Variants in UGT1A10 observed in about 807,000 individuals in gnomAD.
The protein encoded by UGT1A10 is UDP-glucuronosyltransferase 1A10.
A neutral mutation model predicts 45.8 loss-of-function variants in UGT1A10; 49 were observed. The observed-to-expected ratio is 1.07, with a 90% CI of 0.85 to 1.36. The LOEUF (loss-of-function observed/expected upper bound fraction) is 1.36. Among genes scored for constraint, UGT1A10 ranks in the 40% most tolerant of loss-of-function variants. The pLI is 0.00. For synonymous variants in UGT1A10, 284 were observed against 249.7 expected, an observed-to-expected ratio of 1.14 and a Z score of -1.29; for missense variants, 745 against 668.6, an observed-to-expected ratio of 1.11 and a Z score of -1.26.
At chr2:233,695,394 G>A (rs1244656271) in intron 1 of UGT1A10, among the ~76,000 whole-genome samples, 1 of 151,138 alleles carries the variant, frequency 6.6e-6, no homozygotes, top group African/African-American at 2.4e-5. Context: ...AAAGTGCTGG[G>A]ATTACAGGCG....
At chr2:233,717,412 CT>C (rs1379862017) in intron 1 of UGT1A10, among the ~76,000 whole-genome samples, 17 of 152,222 alleles carry the variant, frequency 1.1e-4, no homozygotes, top group African/African-American at 3.9e-4. Context: ...ATATGCCTCC[CT>C]TGAGCTGGGT....
intron 1 of UGT1A10, among the ~76,000 whole-genome samples, chr2:233,715,986 A>G (rs966648830): frequency 1.3e-5 from 2 of 152,140 alleles, no homozygotes; most frequent in African/African-American, 2.4e-5. Context: ...GATTTAAAAC[A>G]CAACAAAACC....
intron 1 of UGT1A10, among the ~76,000 whole-genome samples, chr2:233,689,402 A>G (rs1410123312): frequency 1.3e-5 from 2 of 152,232 alleles, no homozygotes; most frequent in African/African-American, 2.4e-5. Context: ...TATACTTGAG[A>G]CCCAATCTCT....
chr2:233,759,557 C>T (rs1697172001), intron 1 of UGT1A10, among the ~76,000 whole-genome samples: 1 of 152,070 alleles, frequency 6.6e-6, no homozygotes, highest in South Asian at 2.1e-4. Context: ...AGTGAATTTC[C>T]CTTTCTGGTC....
At chr2:233,723,129 G>A (rs1366176917) in intron 1 of UGT1A10, among the ~76,000 whole-genome samples, 2 of 137,690 alleles carry the variant, frequency 1.5e-5, no homozygotes, top group Non-Finnish European at 3.1e-5. Context: ...TTTCTGTACA[G>A]TACCAATTCT....
chr2:233,672,703 T>G lies in UGT1A10; in HGVS notation c.855+35326T>G, dbSNP rs759716033. ...ATCAATTTGGTTGTTGCGAACGGACTTTGTTTTGGACTATCCCAAACCCGT... is the reference window on the plus strand; with the variant it reads ...ATCAATTTGGTTGTTGCGAACGGACGTTGTTTTGGACTATCCCAAACCCGT... On this transcript the variant is annotated intron_variant, in intron 1 of 4. Transcript: ENST00000344644. 6.2e-6 allele frequency: 10 copies of G among 1,613,976 alleles called. No individual in the cohort carries two copies. The highest frequency in any genetic ancestry group is 1.3e-5 in the African/African-American group (1 of 75,036).
chr2:233,760,221 A>C, intron 1 of UGT1A10: 4 of 1,592,732 alleles, frequency 2.5e-6, no homozygotes, highest in Non-Finnish European at 3.4e-6. Flanking sequence ...TGGTGTATCG[A>C]TTGGTTTTTG....
In UGT1A10 at chr2:233,767,094, T is replaced by A; in HGVS notation, c.916T>A (p.Ser306Thr). 3 of 1,614,120 alleles carry A rather than the reference T, an allele frequency of 1.9e-6. No homozygotes were observed. The highest frequency in any genetic ancestry group is 2.5e-6 in the Non-Finnish European group (3 of 1,180,014). ...EHGIVVFSLG[S>T]MVSEIPEKKA... ...TGGAATTGTGGTTTTCTCTTTGGGA[T>A]CAATGGTCTCAGAAATTCCAGAGAA... Residue 306 changes from serine (S) to threonine (T), a missense_variant, in exon 2 of 5, where the codon TCA (serine) becomes ACA (threonine). Transcript: ENST00000344644.
chr2:233,667,342 A>G (rs1231761828), intron 1 of UGT1A10, among the ~76,000 whole-genome samples: 1 of 152,216 alleles, frequency 6.6e-6, no homozygotes, highest in Non-Finnish European at 1.5e-5. Context: ...TAGAAAGCTG[A>G]AACTGGATCC....
intron 1 of UGT1A10, among the ~76,000 whole-genome samples, chr2:233,710,692 G>C (rs976331221): frequency 2.6e-5 from 4 of 152,100 alleles, no homozygotes; most frequent in African/African-American, 9.7e-5. Context: ...TTTACTTCTG[G>C]TGTGTGGTGT....
intron 1 of UGT1A10, among the ~76,000 whole-genome samples, chr2:233,702,709 T>C (rs1270831508): frequency 2.0e-5 from 3 of 152,216 alleles, no homozygotes; most frequent in Non-Finnish European, 4.4e-5. Context: ...TTTTTCTGTG[T>C]CTATTGAAAT....
intron 1 of UGT1A10, chr2:233,693,000 C>G (rs879529755): frequency 4.3e-6 from 7 of 1,613,882 alleles, no homozygotes; most frequent in Non-Finnish European, 5.9e-6. Flanking sequence ...TTAACTCTTT[C>G]CAGGATGGCC....
Position 233,687,583 on chromosome 2 carries a change from T to TA in UGT1A10, c.855+50230dup, listed in dbSNP as rs71398794. Among the ~76,000 whole-genome samples the TA allele has an allele frequency of 9.1e-3, 974 of 107,020 alleles. 5 individuals carry two copies. Among genetic ancestry groups the TA allele is most frequent in the East Asian group, 0.026 (90 of 3,434 alleles). 70.2% of individuals were successfully genotyped at this position (107,020 alleles called of 152,430 possible). A position where few individuals can be genotyped will look rare whatever the true frequency, so the allele number is the denominator to read the frequency against. ...AGAATTCAAGACCATACATTCTTTGTAAAAAAAAAAAAAAAAAAAAAAAAG... is the reference window on the plus strand; with the variant it reads ...AGAATTCAAGACCATACATTCTTTGTAAAAAAAAAAAAAAAAAAAAAAAAAG... On this transcript the variant is annotated intron_variant, in intron 1 of 4. Transcript: ENST00000344644.
chr2:233,733,374 C>T (rs1046101046), intron 1 of UGT1A10, among the ~76,000 whole-genome samples: 17 of 152,240 alleles, frequency 1.1e-4, no homozygotes, highest in Middle Eastern at 3.4e-3. Context: ...AGAGGTCATC[C>T]TTGTTTTGTG....
intron 4 of UGT1A10, chr2:233,770,023 G>A (rs1575848651): frequency 6.2e-6 from 1 of 160,986 alleles, no homozygotes; most frequent in Non-Finnish European, 1.4e-5. Flanking sequence ...TTCTTTCCCT[G>A]CACTGTTGAA....
At chr2:233,737,053 G>A (rs2078838819) in intron 1 of UGT1A10, among the ~76,000 whole-genome samples, 1 of 152,218 alleles carries the variant, frequency 6.6e-6, no homozygotes, top group Non-Finnish European at 1.5e-5. Context: ...CATACTAGGA[G>A]AACGAGTGCT....
chr2:233,723,051 G>C (rs1327620442), intron 1 of UGT1A10, among the ~76,000 whole-genome samples: 1 of 141,468 alleles, frequency 7.1e-6, no homozygotes, highest in African/African-American at 2.7e-5. Flanking sequence ...GGCACACTCG[G>C]TGTAACTTTA....
In UGT1A10 at chr2:233,747,728, T is replaced by C. The variant is rs1488461574; in HGVS notation, c.856-19306T>C. 2.5e-6 allele frequency: 4 copies of C among 1,613,386 alleles called. No homozygotes were observed. In the African/African-American group the frequency reaches 4.0e-5, roughly 16 times the overall value. Reference sequence around the variant, plus strand: ...ACCTATCAATTCCTGCTGTGTTTTTTTTGAGGAACATTCCATGTGATTTAG... The same window carrying C: ...ACCTATCAATTCCTGCTGTGTTTTTCTTGAGGAACATTCCATGTGATTTAG... On this transcript the variant is annotated intron_variant, in intron 1 of 4. Coordinates refer to ENST00000344644, the MANE Select transcript of UGT1A10 (RefSeq NM_019075.4).
At position 233,769,334 on chromosome 2, in the gene UGT1A10, AG is replaced by A. The variant is rs1261695807; in HGVS notation, c.1295+896del. Among the ~76,000 whole-genome samples the A allele has an allele frequency of 6.6e-6, 1 of 152,248 alleles. No individual in the cohort carries two copies. The highest frequency in any genetic ancestry group is 1.5e-5 in the Non-Finnish European group (1 of 68,042). ...CAAGCTCACTGGTAATAGGCTTATT[AG>A]AACCTTATGGGAAGAAGTGGTGGCC... On this transcript the variant is annotated intron_variant, in intron 4 of 4. Transcript: ENST00000344644. This position sits in a 1 kb window ranked among gnomAD's most constrained non-coding sequence, Gnocchi z 4.4.
Sources: gnomAD v4.1 joint callset for allele counts (sites outside exome capture counted in the v4.1 genomes callset) on GRCh38, gnomAD v4.1.1 for gene constraint, Gnocchi (gnomAD v3.1) non-coding constraint, MANE v1.5 for transcripts, NCBI Gene and HGNC (gene_info 2026-07-23, HGNC 2026-07-21) for gene names.